The following R3HDM2 variants were observed in gnomAD, a reference collection of about 807,000 sequenced individuals.
The protein encoded by R3HDM2 is R3H domain containing 2.
R3HDM2 carries 38 observed loss-of-function variants against 124.5 expected under a neutral mutation model. That is an observed-to-expected ratio of 0.31 (90% CI 0.24 to 0.40). R3HDM2 has a LOEUF of 0.40. R3HDM2 is among the 10% of genes least tolerant of loss of function. The probability of loss-of-function intolerance (pLI) is 1.00; values close to 1 mark genes in which losing one functional copy is unlikely to be tolerated. For missense variants in R3HDM2, 869 were observed against 1,236.9 expected, an observed-to-expected ratio of 0.70 and a Z score of 4.46; for synonymous variants, 391 against 448.0, an observed-to-expected ratio of 0.87 and a Z score of 1.61.
chr12:57,408,690 G>A (rs1184728562), intron 1 of R3HDM2, among the ~76,000 whole-genome samples: 2 of 151,408 alleles, frequency 1.3e-5, no homozygotes, highest in Non-Finnish European at 2.9e-5. Context: ...GAATACATAC[G>A]AAATTTTCCA....
intron 2 of R3HDM2, among the ~76,000 whole-genome samples, chr12:57,385,008 G>A (rs6581143): frequency 4.3e-4 from 66 of 151,980 alleles, no homozygotes; most frequent in African/African-American, 1.5e-3. Flanking sequence ...TTAGCTGGAC[G>A]TTGTGGCAGG....
rs149291094 is a variant in R3HDM2, at chr12:57,391,342, A to G, written c.-36+4407T>C. Among the ~76,000 whole-genome samples, 1,510 of 152,306 alleles carry G rather than the reference A, an allele frequency of 9.9e-3. 12 individuals carry two copies. The highest frequency in any genetic ancestry group is 0.041 in the Middle Eastern group (12 of 294). ...GTGGGGCAGGGGTTGGGGTAAGCCA[A>G]TCTCAAAAAGAAAAAAAGCCAACTG... On this transcript the variant is annotated intron_variant, in intron 2 of 23. Coordinates refer to ENST00000402412, the MANE Select transcript of R3HDM2 (RefSeq NM_001394031.1).
intron 1 of R3HDM2, among the ~76,000 whole-genome samples, chr12:57,411,185 T>C (rs2068969533): frequency 6.6e-6 from 1 of 152,200 alleles, no homozygotes; most frequent in African/African-American, 2.4e-5. Context: ...ACTTCCTCAA[T>C]AGCAATAATA....
chr12:57,373,062 C>T (rs1175720587), intron 2 of R3HDM2, among the ~76,000 whole-genome samples: 26 of 152,106 alleles, frequency 1.7e-4, no homozygotes, highest in Non-Finnish European at 1.2e-4. Context: ...ATTAGCTGGA[C>T]ATGGTGGCAC....
intron 2 of R3HDM2, among the ~76,000 whole-genome samples, chr12:57,342,939 A>G (rs1006949362): frequency 1.3e-5 from 2 of 152,162 alleles, no homozygotes; most frequent in African/African-American, 2.4e-5. Flanking sequence ...TCCTCTTCCT[A>G]TTATTTGCCC....
chr12:57,299,256 AATTG>A, intron 6 of R3HDM2, 92 bp downstream of exon 6: 1 of 1,350,288 alleles, frequency 7.4e-7, no homozygotes, highest in Non-Finnish European at 1.0e-6. Flanking sequence ...GAACACTACA[AATTG>A]ATGGGCCAGT....
intron 19 of R3HDM2, among the ~76,000 whole-genome samples, chr12:57,262,433 T>TG (rs1349668481): frequency 2.6e-5 from 4 of 152,258 alleles, no homozygotes; most frequent in Non-Finnish European, 5.9e-5. Flanking sequence ...TCAAGGGACC[T>TG]GCAACCATCA....
intron 1 of R3HDM2, among the ~76,000 whole-genome samples, chr12:57,403,127 G>A (rs1395905981): frequency 2.0e-5 from 3 of 151,742 alleles, no homozygotes; most frequent in African/African-American, 7.3e-5. Flanking sequence ...AGGCTGAGGC[G>A]GGTGGATCAC....
chr12:57,346,255 G>A (rs1028862315), intron 2 of R3HDM2, among the ~76,000 whole-genome samples: 2 of 150,998 alleles, frequency 1.3e-5, no homozygotes, highest in African/African-American at 2.4e-5. Context: ...CTAGGAGTTC[G>A]AGACCAGCCT....
intron 1 of R3HDM2, among the ~76,000 whole-genome samples, chr12:57,402,065 C>CA (rs2068094491): frequency 6.6e-6 from 1 of 151,292 alleles, no homozygotes; most frequent in African/African-American, 2.4e-5. Context: ...GAGGCCGTGG[C>CA]AGGTAGATCT....
At chr12:57,302,802 A>G (rs893366900) in intron 4 of R3HDM2, among the ~76,000 whole-genome samples, 5 of 151,954 alleles carry the variant, frequency 3.3e-5, no homozygotes, top group Admixed American at 6.6e-5. Context: ...AAAAAAAAAA[A>G]AAAAGAAGGG....
At chr12:57,358,066 C>T (rs779095633) in intron 2 of R3HDM2, among the ~76,000 whole-genome samples, 1 of 151,616 alleles carries the variant, frequency 6.6e-6, no homozygotes, top group Non-Finnish European at 1.5e-5. Context: ...TCAACCCCTG[C>T]CTCCCAGATT....
In R3HDM2 at chr12:57,429,464, C is replaced by T. The variant is rs566478499; in HGVS notation, c.-106+1256G>A. 2.0e-5 allele frequency among the ~76,000 whole-genome samples: 3 copies of T among 152,236 alleles called. No individual in the cohort carries two copies. In the East Asian group the frequency reaches 5.8e-4, roughly 29 times the overall value. Reference sequence around the variant, plus strand: ...CTTTTTGTCTTTCCCGGCGCGGTGGCTCAAGCCTACCACTTTGGGAGGCCA... The same window carrying T: ...CTTTTTGTCTTTCCCGGCGCGGTGGTTCAAGCCTACCACTTTGGGAGGCCA... On this transcript the variant is annotated intron_variant, in intron 1 of 23. Coordinates refer to ENST00000402412, the MANE Select transcript of R3HDM2 (RefSeq NM_001394031.1).
intron 4 of R3HDM2, among the ~76,000 whole-genome samples, chr12:57,300,611 C>A (rs1237143616): frequency 2.0e-5 from 3 of 152,196 alleles, no homozygotes; most frequent in Non-Finnish European, 4.4e-5. Flanking sequence ...AATTACCTGA[C>A]CTCTCCAGGT....
In R3HDM2 at chr12:57,284,023, G is replaced by T; in HGVS notation, c.972C>A (p.Ser324Arg). Residue 324 changes from serine to arginine, a missense_variant, in exon 13 of 24, where the codon AGC becomes AGA. By Grantham distance (110) the Ser-to-Arg change is moderately radical. Around this residue, in one of 2 missense-constraint regions of R3HDM2, gnomAD observed 267 missense variants for 447.7 expected, o/e 0.60. Transcript: ENST00000402412. Reference sequence around the variant, plus strand: ...CGCTGTCTGTGCTGCTCTGGCGGCTGCTTGAGGTGCGGCTCAGTCCTTCAC... The same window carrying T: ...CGCTGTCTGTGCTGCTCTGGCGGCTTCTTGAGGTGCGGCTCAGTCCTTCAC... ...GNREGLSRTS[S>R]SRQSSTDSEL... 1 of 1,611,270 alleles carries T rather than the reference G, an allele frequency of 6.2e-7. No individual in the cohort carries two copies. Among genetic ancestry groups the T allele is most frequent in the Non-Finnish European group, 8.5e-7 (1 of 1,178,690 alleles).
At chr12:57,393,104 T>A (rs1427454319) in intron 2 of R3HDM2, among the ~76,000 whole-genome samples, 2 of 141,906 alleles carry the variant, frequency 1.4e-5, no homozygotes, top group Non-Finnish European at 3.1e-5. Context: ...GCGCCAGGCA[T>A]TTTTTTTTTT....
At chr12:57,341,345 C>T in intron 2 of R3HDM2, 1 of 917,866 alleles carries the variant, frequency 1.1e-6, no homozygotes, top group Non-Finnish European at 1.3e-6. Flanking sequence ...TATTCAATGG[C>T]ACCCAGTTAC....
chr12:57,330,830 C>G (rs182802089), intron 2 of R3HDM2, among the ~76,000 whole-genome samples: 12 of 150,888 alleles, frequency 8.0e-5, no homozygotes, highest in African/African-American at 2.9e-4. Flanking sequence ...TCCCAAGTAG[C>G]TGGGACTACA....
At chr12:57,391,371 A>G (rs1374681808) in intron 2 of R3HDM2, among the ~76,000 whole-genome samples, 3 of 152,206 alleles carry the variant, frequency 2.0e-5, no homozygotes, top group African/African-American at 7.2e-5. Flanking sequence ...CCAACTGTAT[A>G]TACTATAGGA....
Sources: allele counts gnomAD v4.1 joint callset (sites outside exome capture counted in the v4.1 genomes callset), GRCh38; gene constraint gnomAD v4.1.1; regional missense constraint gnomAD v4.1.1; transcripts MANE v1.5; gene names NCBI Gene and HGNC (gene_info 2026-07-23, HGNC 2026-07-21).